PSMA7: variants seen among roughly 807,000 people sequenced by gnomAD.
The protein encoded by PSMA7 is proteasome 20S subunit alpha 7, also known as proteasome subunit alpha type-7.
Under a neutral mutation model 31.3 loss-of-function variants are expected in PSMA7, and 5 were observed. The observed-to-expected ratio is 0.16, with a 90% CI of 0.08 to 0.34. PSMA7 has a LOEUF of 0.34. Ranked by LOEUF, PSMA7 falls within the 10% of genes least tolerant of loss-of-function variation. The pLI is 1.00. For synonymous variants in PSMA7, 155 were observed against 121.9 expected (o/e 1.27, Z -1.79); for missense variants, 217 against 327.5 (o/e 0.66, Z 2.60).
intron 3 of PSMA7, 22 bp from the exon 4 acceptor site, chr20:62,139,219 C>T (rs1174123949): frequency 6.2e-7 from 1 of 1,603,078 alleles, no homozygotes; most frequent in Non-Finnish European, 8.5e-7. Flanking sequence ...AGAAACAGGT[C>T]AGTGCCATCC....
At chr20:62,137,583 T>C (rs2056903042) in intron 5 of PSMA7, 157 bp from the exon 6 acceptor site, 2 of 697,690 alleles carry the variant, frequency 2.9e-6, no homozygotes, top group South Asian at 1.7e-5. Context: ...CCTAAACTCA[T>C]GGCCATTTGT....
chr20:62,139,146 C>T lies in PSMA7; in HGVS notation c.400G>A (p.Val134Met), dbSNP rs776926070. The T allele has an allele frequency of 1.5e-5, 24 of 1,614,064 alleles. No homozygotes were observed. Among genetic ancestry groups the T allele is most frequent in the East Asian group, 8.9e-5 (4 of 44,892 alleles). Residue 134 changes from valine (V) to methionine (M), a missense_variant, in exon 4 of 7, where the codon GTG (valine) becomes ATG (methionine). Val to Met is a conservative substitution (Grantham distance 21). Around this residue, in one of 3 missense-constraint regions of PSMA7, gnomAD observed 53 missense variants for 119.4 expected, o/e 0.44. Coordinates refer to ENST00000370873, the MANE Select transcript of PSMA7 (RefSeq NM_002792.4). ...RRPFGISALI[V>M]GFDFDGTPRL... is the part of the protein sequence containing the mutation. ...GGAGTGCCATCAAAGTCGAAACCCA[C>T]GATGAGGGCAGAGATGCCAAACGGC... is the stretch of plus-strand genomic sequence containing the variant.
At chr20:62,143,004 G>A (rs577958211) in intron 1 of PSMA7, among the ~76,000 whole-genome samples, 87 of 150,114 alleles carry the variant, frequency 5.8e-4, no homozygotes, top group Middle Eastern at 3.4e-3. Context: ...GAGCGCTCGC[G>A]GCTCACGCCA....
chr20:62,138,368 A>G lies in PSMA7; in HGVS notation c.472-78T>C, dbSNP rs537723566. 41 of 1,506,222 alleles carry G rather than the reference A, an allele frequency of 2.7e-5. No homozygotes were observed. The Admixed American group carries it at 5.0e-4, about 18-fold the overall frequency. 93.3% of individuals were successfully genotyped at this position (1,506,222 alleles called of 1,614,324 possible). On this transcript the variant is annotated intron_variant, in intron 4 of 6. Coordinates refer to ENST00000370873, the MANE Select transcript of PSMA7 (RefSeq NM_002792.4). ...CAGCCCTGGAACACAGCTGCCCTAC[A>G]TGGGCCGCCCAGCCAGTGGCAGTGG...
At chr20:62,138,105 A>C (rs533635647) in intron 5 of PSMA7, 66 bp downstream of exon 5, 1 of 1,608,430 alleles carries the variant, frequency 6.2e-7, no homozygotes, top group East Asian at 2.2e-5. Flanking sequence ...CTGCTCATCT[A>C]CCTACCACTC....
chr20:62,142,186 A>G (rs1247093391), intron 1 of PSMA7, among the ~76,000 whole-genome samples: 3 of 152,122 alleles, frequency 2.0e-5, no homozygotes, highest in Non-Finnish European at 4.4e-5. Flanking sequence ...GTACTGACTC[A>G]CTTGACCTTC....
At chr20:62,141,308 C>T (rs117897777) in intron 1 of PSMA7, among the ~76,000 whole-genome samples, 40 of 152,282 alleles carry the variant, frequency 2.6e-4, no homozygotes, top group Non-Finnish European at 4.6e-4. Flanking sequence ...TGCCAGGCAG[C>T]GAGCAGTAGG....
chr20:62,137,458 A>C (rs2056902449), intron 5 of PSMA7, 32 bp from the exon 6 acceptor site: 1 of 1,603,660 alleles, frequency 6.2e-7, no homozygotes, highest in Non-Finnish European at 8.5e-7. Context: ...AGCATTAACC[A>C]CCTTTCCCTA....
Position 62,138,265 on chromosome 20 carries a change from T to C in PSMA7, c.497A>G (p.Lys166Arg). 6.2e-7 allele frequency: 1 copy of C among 1,613,090 alleles called. No homozygotes were observed. The highest frequency in any genetic ancestry group is 8.5e-7 in the Non-Finnish European group (1 of 1,179,320). Residue 166 changes from lysine to arginine, a missense_variant, in exon 5 of 7, where the codon AAG becomes AGG. Transcript: ENST00000370873. Reference protein sequence around the residue: ...WKANAIGRGAKSVREFLEKNY... With the variant: ...WKANAIGRGARSVREFLEKNY... ...CTTCTCCAGGAACTCGCGCACTGAC[T>C]TGGCACCCCGACCTATGGCATTGGC...
In PSMA7 at chr20:62,143,289, G is replaced by T; in HGVS notation, c.15C>A (p.Arg5=). ...CGTCGGGCGAGAAGACGGTGATGGC[G>T]CGGTCGTAGCTCATGCCGGCGGGCG... MSYD[R]AITVFSPDGH... is the part of the protein sequence containing the mutation. Residue 5 remains arginine, a synonymous_variant, in exon 1 of 7, where the codon CGC becomes CGA. Transcript: ENST00000370873. The T allele has an allele frequency of 1.4e-6, 2 of 1,468,176 alleles. No individual in the cohort carries two copies. The highest frequency in any genetic ancestry group is 1.8e-6 in the Non-Finnish European group (2 of 1,100,978). The allele number at this position is 1,468,176 out of a possible 1,614,324, so 90.9% of individuals were successfully genotyped here. A position where few individuals can be genotyped will look rare whatever the true frequency, so the allele number is the denominator to read the frequency against.
rs1054125139 is a variant in PSMA7 at position 62,143,148 on chromosome 20, G to A, written c.96+60C>T. On this transcript the variant is annotated intron_variant, in intron 1 of 6. Coordinates refer to ENST00000370873, the MANE Select transcript of PSMA7 (RefSeq NM_002792.4). ...GCCGCGCCCGGCCCCGGCCCTCTCT[G>A]GGCTCCCCAGCCCCACTTCCGCCCG... 6.1e-6 allele frequency: 7 copies of A among 1,147,164 alleles called. No individual in the cohort carries two copies. The African/African-American group carries it at 8.4e-5, about 14-fold the overall frequency. The allele number at this position is 1,147,164 out of a possible 1,614,324, so 71.1% of individuals were successfully genotyped here.
At chr20:62,138,944 C>T in intron 4 of PSMA7, 131 bp downstream of exon 4, 2 of 1,214,606 alleles carry the variant, frequency 1.6e-6, no homozygotes, top group Non-Finnish European at 2.3e-6. Flanking sequence ...TTTTCTTGCT[C>T]TCATAGGACT....
At chr20:62,138,414 T>C (rs559233033) in intron 4 of PSMA7, 124 bp from the exon 5 acceptor site, 1 of 1,292,902 alleles carries the variant, frequency 7.7e-7, no homozygotes, top group East Asian at 2.4e-5. Context: ...GCTGGAGTGC[T>C]GGACAGCAGC....
rs2056950380 is a variant in PSMA7 at position 62,143,142 on chromosome 20, C to T, written c.96+66G>A. 3 of 1,073,530 alleles carry T rather than the reference C, an allele frequency of 2.8e-6. No individual in the cohort carries two copies. In the East Asian group the frequency reaches 1.8e-4, roughly 66 times the overall value. The allele number at this position is 1,073,530 out of a possible 1,614,324, so 66.5% of individuals were successfully genotyped here. A position where few individuals can be genotyped will look rare whatever the true frequency, so the allele number is the denominator to read the frequency against. On this transcript the variant is annotated intron_variant, in intron 1 of 6. Transcript: ENST00000370873. The stretch of plus-strand genomic sequence containing the variant: ...CACAGCGCCGCGCCCGGCCCCGGCC[C>T]TCTCTGGGCTCCCCAGCCCCACTTC...
intron 2 of PSMA7, 144 bp from the exon 3 acceptor site, chr20:62,140,049 T>A: frequency 8.6e-7 from 1 of 1,165,126 alleles, no homozygotes; most frequent in Non-Finnish European, 1.2e-6. Context: ...GCGGAACCTA[T>A]CAGCCCCTGG....
At chr20:62,139,742 T>C in intron 3 of PSMA7, 39 bp downstream of exon 3, 1 of 1,613,770 alleles carries the variant, frequency 6.2e-7, no homozygotes, top group Non-Finnish European at 8.5e-7. Context: ...GTGACTGCCC[T>C]GCTGCCAGAG....
chr20:62,139,618 T>G (rs1338633649), intron 3 of PSMA7, 163 bp downstream of exon 3: 6 of 1,123,654 alleles, frequency 5.3e-6, no homozygotes, highest in Non-Finnish European at 7.9e-6. Flanking sequence ...TTACTGAAAT[T>G]GGTGAGCTAG....
chr20:62,137,547 C>G lies in PSMA7; in HGVS notation c.592-121G>C. 4 of 923,784 alleles carry G rather than the reference C, an allele frequency of 4.3e-6. No individual in the cohort carries two copies. The South Asian group carries it at 5.6e-5, about 13-fold the overall frequency. The allele number at this position is 923,784 out of a possible 1,614,324, so 57.2% of individuals were successfully genotyped here. On this transcript the variant is annotated intron_variant, in intron 5 of 6. Transcript: ENST00000370873. ...CAGCACCGTCCCAGGAACAGAGGTC[C>G]CAGCCCCCAAAACCTGTGTCTTTGT...
chr20:62,139,210 G>A lies in PSMA7; in HGVS notation c.349-13C>T, dbSNP rs2056912550. On this transcript the variant is annotated splice_polypyrimidine_tract_variant and intron_variant, in intron 3 of 6. Transcript: ENST00000370873. ...TCTGCGTATAACGCTAGCAAGAAAAGAAACAGGTCAGTGCCATCCAATTAA... is the reference window on the plus strand; with the variant it reads ...TCTGCGTATAACGCTAGCAAGAAAAAAAACAGGTCAGTGCCATCCAATTAA... 6.2e-7 allele frequency: 1 copy of A among 1,612,286 alleles called. No individual in the cohort carries two copies. Among genetic ancestry groups the A allele is most frequent in the African/African-American group, 1.3e-5 (1 of 74,896 alleles).
Sources: allele counts gnomAD v4.1 joint callset (sites outside exome capture counted in the v4.1 genomes callset), GRCh38; gene constraint gnomAD v4.1.1; regional missense constraint gnomAD v4.1.1; transcripts MANE v1.5; gene names NCBI Gene and HGNC (gene_info 2026-07-23, HGNC 2026-07-21).